HSD17B12: variants seen among roughly 807,000 people sequenced by gnomAD.
The protein encoded by HSD17B12 is hydroxysteroid 17-beta dehydrogenase 12, also known as very-long-chain 3-oxoacyl-CoA reductase.
Under a neutral mutation model 39.3 loss-of-function variants are expected in HSD17B12, and 32 were observed. The observed-to-expected ratio is 0.81, with a 90% CI of 0.61 to 1.09. The LOEUF is 1.09. Ranked by LOEUF, HSD17B12 falls within the 50% of genes least tolerant of loss-of-function variation. The pLI is 0.00. For synonymous variants in HSD17B12, 150 were observed against 146.7 expected (o/e 1.02, Z -0.16); for missense variants, 342 against 382.9 (o/e 0.89, Z 0.89).
At chr11:43,774,010 G>A (rs1445104055) in intron 3 of HSD17B12, among the ~76,000 whole-genome samples, 1 of 152,048 alleles carries the variant, frequency 6.6e-6, no homozygotes, top group East Asian at 1.9e-4. Flanking sequence ...TAGATCCTAG[G>A]TCACATATGT....
At chr11:43,695,244 A>G (rs897980833) in intron 1 of HSD17B12, among the ~76,000 whole-genome samples, 1 of 152,156 alleles carries the variant, frequency 6.6e-6, no homozygotes, top group African/African-American at 2.4e-5. Context: ...CTTGGTTTAT[A>G]ATAGTGAGCC....
intron 3 of HSD17B12, among the ~76,000 whole-genome samples, chr11:43,793,511 T>C (rs1364712435): frequency 6.6e-6 from 1 of 152,160 alleles, no homozygotes. Flanking sequence ...ATCTATAAAA[T>C]TATTTTTATA....
chr11:43,761,852 G>A (rs1203425873), intron 3 of HSD17B12, among the ~76,000 whole-genome samples: 2 of 152,174 alleles, frequency 1.3e-5, no homozygotes, highest in Non-Finnish European at 2.9e-5. Context: ...CAGAATTCAC[G>A]TAGCATTATT....
chr11:43,844,427 G>A (rs1951455936), intron 9 of HSD17B12, among the ~76,000 whole-genome samples: 1 of 152,168 alleles, frequency 6.6e-6, no homozygotes, highest in African/African-American at 2.4e-5. Flanking sequence ...TGCCCTGGAG[G>A]TGAATGATGG....
At chr11:43,576,972 G>T in the HSD17B12 span, among the ~76,000 whole-genome samples, 5 of 152,220 alleles carry the variant, frequency 3.3e-5, no homozygotes, top group African/African-American at 1.2e-4. Context: ...GGCCAGACAC[G>T]ATTTAATGGG....
chr11:43,680,713 T>C (rs1590652774), upstream of HSD17B12: 1 of 882,900 alleles, frequency 1.1e-6, no homozygotes, highest in South Asian at 1.5e-5. Flanking sequence ...AGGCCCAAAG[T>C]GGTGTCGGAG....
chr11:43,775,963 A>G (rs1189556431), intron 3 of HSD17B12, among the ~76,000 whole-genome samples: 3 of 152,134 alleles, frequency 2.0e-5, no homozygotes, highest in Non-Finnish European at 4.4e-5. Flanking sequence ...GCTGCATAGT[A>G]TTCCATGGTG....
chr11:43,694,157 CT>C (rs1353939993), intron 1 of HSD17B12, among the ~76,000 whole-genome samples: 2 of 152,106 alleles, frequency 1.3e-5, no homozygotes, highest in Admixed American at 6.6e-5. Context: ...CATAACAACC[CT>C]ATGAGGCAGG....
chr11:43,672,149 C>T, the HSD17B12 span, among the ~76,000 whole-genome samples: 1 of 151,986 alleles, frequency 6.6e-6, no homozygotes, highest in Non-Finnish European at 1.5e-5. Context: ...CCCGGGTTCA[C>T]GCCATTCTCC....
At chr11:43,671,353 T>C in the HSD17B12 span, among the ~76,000 whole-genome samples, 1 of 152,240 alleles carries the variant, frequency 6.6e-6, no homozygotes, top group Non-Finnish European at 1.5e-5. Flanking sequence ...CTAATTTTTG[T>C]ATTTTTTAGT....
At chr11:43,666,491 C>T in the HSD17B12 span, among the ~76,000 whole-genome samples, 23 of 152,162 alleles carry the variant, frequency 1.5e-4, no homozygotes, top group Non-Finnish European at 2.4e-4. Flanking sequence ...AGGCGCACAC[C>T]ACCACACCTG....
chr11:43,622,147 A>G, the HSD17B12 span, among the ~76,000 whole-genome samples: 11 of 152,338 alleles, frequency 7.2e-5, no homozygotes, highest in Middle Eastern at 3.4e-3. Context: ...ATAAAGCTGC[A>G]TGGGCTCTGT....
the HSD17B12 span, among the ~76,000 whole-genome samples, chr11:43,616,428 A>C: frequency 6.6e-6 from 1 of 150,746 alleles, no homozygotes; most frequent in East Asian, 1.9e-4. Context: ...CAAAAAACAA[A>C]AAAAAAACAA....
At chr11:43,594,515 G>A in the HSD17B12 span, among the ~76,000 whole-genome samples, 4 of 150,720 alleles carry the variant, frequency 2.7e-5, no homozygotes, top group East Asian at 7.8e-4. Flanking sequence ...AACTGATTTG[G>A]TTTTCTTTTC....
chr11:43,674,683 C>G, the HSD17B12 span, among the ~76,000 whole-genome samples: 1 of 152,254 alleles, frequency 6.6e-6, no homozygotes, highest in East Asian at 1.9e-4. Flanking sequence ...CAATTATTGC[C>G]TATTTAATTT....
At chr11:43,721,890 G>A (rs939297634) in intron 1 of HSD17B12, among the ~76,000 whole-genome samples, 1 of 152,190 alleles carries the variant, frequency 6.6e-6, no homozygotes, top group Non-Finnish European at 1.5e-5. Flanking sequence ...TGTAGCTGCT[G>A]TGTGGTAAAT....
intron 1 of HSD17B12, among the ~76,000 whole-genome samples, chr11:43,698,998 A>G (rs563800694): frequency 2.0e-4 from 31 of 152,324 alleles, no homozygotes; most frequent in African/African-American, 6.5e-4. Flanking sequence ...AGTTAAACTA[A>G]TGTAACCACT....
At chr11:43,658,707 G>A in the HSD17B12 span, among the ~76,000 whole-genome samples, 27 of 152,248 alleles carry the variant, frequency 1.8e-4, no homozygotes, top group African/African-American at 4.8e-4. Flanking sequence ...GCAGAACAGC[G>A]GATATGGGTG....
At chr11:43,586,150 T>A in the HSD17B12 span, among the ~76,000 whole-genome samples, 2 of 152,132 alleles carry the variant, frequency 1.3e-5, no homozygotes, top group Non-Finnish European at 2.9e-5. Context: ...ATACAGCTAA[T>A]CCATAAACAT....
Sources: gnomAD v4.1 joint callset for allele counts (sites outside exome capture counted in the v4.1 genomes callset) on GRCh38, gnomAD v4.1.1 for gene constraint, MANE v1.5 for transcripts, NCBI Gene and HGNC (gene_info 2026-07-23, HGNC 2026-07-21) for gene names.